Variants in SYTL5 observed in about 807,000 individuals in gnomAD.
SYTL5 encodes the protein synaptotagmin-like protein 5.
SYTL5 carries 34 observed loss-of-function variants against 55.9 expected under a neutral mutation model. The ratio of observed to expected loss-of-function variants is 0.61; its 90% CI spans 0.46 to 0.81. The LOEUF is 0.81. Among genes scored for constraint, SYTL5 ranks in the 30% least tolerant of loss-of-function variants. The pLI is 0.00. For synonymous variants in SYTL5, 221 were observed against 188.7 expected (o/e 1.17, Z -1.40); for missense variants, 637 against 546.7 (o/e 1.17, Z -1.65).
chrX:37,937,310 G>A, the SYTL5 span, among the ~76,000 whole-genome samples: 9 of 111,052 alleles, frequency 8.1e-5, no homozygotes, highest in African/African-American at 3.0e-4. Context: ...ACTGCTGGCA[G>A]AAGAAGAGGG....
chrX:38,086,842 T>A (rs774293712), intron 6 of SYTL5, among the ~76,000 whole-genome samples: 2 of 111,658 alleles, frequency 1.8e-5, no homozygotes, highest in African/African-American at 3.3e-5. Context: ...CTGGAAAAAA[T>A]TTTTTGAGAA....
At chrX:38,037,710 A>G (rs1935145759) in intron 2 of SYTL5, among the ~76,000 whole-genome samples, 1 of 111,420 alleles carries the variant, frequency 9.0e-6, no homozygotes, top group South Asian at 3.8e-4. Context: ...GAATTTAAGT[A>G]CAACCTAAAT....
chrX:38,067,048 C>A (rs773590112), intron 3 of SYTL5, among the ~76,000 whole-genome samples: 72 of 111,765 alleles, frequency 6.4e-4, no homozygotes, highest in Non-Finnish European at 1.1e-3. Context: ...TGCCTCCTGA[C>A]AAGACGTGAC....
At chrX:38,011,340 T>G (rs1934175117) in intron 1 of SYTL5, among the ~76,000 whole-genome samples, 1 of 112,019 alleles carries the variant, frequency 8.9e-6, no homozygotes. Context: ...AGAGAGTATG[T>G]TATACTGCTG....
chrX:38,082,281 T>C (rs2147466436), intron 6 of SYTL5, among the ~76,000 whole-genome samples: 1 of 111,451 alleles, frequency 9.0e-6, no homozygotes, highest in Admixed American at 9.6e-5. Flanking sequence ...TCTAACACCT[T>C]CCCCTCCTCC....
chrX:37,914,238 G>C, the SYTL5 span, among the ~76,000 whole-genome samples: 13 of 111,292 alleles, frequency 1.2e-4, no homozygotes, highest in East Asian at 3.4e-3. Context: ...ATATCACCTA[G>C]ACAAATACTC....
At position 38,007,121 on chromosome X, in the gene SYTL5, T is replaced by A. The variant is rs761974258; in HGVS notation, c.-357+453T>A. The stretch of plus-strand genomic sequence containing the variant: ...GTCCTTTTGCTCTGAATTTCTTTCA[T>A]TTATTAGAAAATTTAGATGTTTCAT... On this transcript the variant is annotated intron_variant, in intron 1 of 16. Transcript: ENST00000297875. 6.2e-5 allele frequency among the ~76,000 whole-genome samples: 7 copies of A among 112,049 alleles called. No homozygotes were observed. In the East Asian group the frequency reaches 2.0e-3, roughly 31 times the overall value.
the SYTL5 span, among the ~76,000 whole-genome samples, chrX:37,959,134 G>A: frequency 8.9e-6 from 1 of 111,791 alleles, no homozygotes; most frequent in East Asian, 2.8e-4. Context: ...GCTCCACTAG[G>A]CATTGCCCTA....
At chrX:38,002,002 C>T (rs1399377200), upstream of SYTL5, among the ~76,000 whole-genome samples, 3 of 110,301 alleles carry the variant, frequency 2.7e-5, no homozygotes, top group African/African-American at 9.9e-5. Context: ...TCTCCTAATG[C>T]TATCCCTCCC....
At chrX:37,935,104 A>G in the SYTL5 span, among the ~76,000 whole-genome samples, 1 of 112,243 alleles carries the variant, frequency 8.9e-6, no homozygotes, top group Non-Finnish European at 1.9e-5. Flanking sequence ...AAGCAGCAAT[A>G]TCATCACAGA....
At position 38,083,773 on chromosome X, in the gene SYTL5, C is replaced by CGTGTGTGT. The variant is rs1569180907; in HGVS notation, c.690-5673_690-5672insGTGTGTGT. Among the ~76,000 whole-genome samples, 45 of 40,197 alleles carry CGTGTGTGT rather than the reference C, an allele frequency of 1.1e-3. No homozygotes were observed. The East Asian group carries it at 0.018, about 16-fold the overall frequency. 34.9% of individuals were successfully genotyped at this position (40,197 alleles called of 115,157 possible). Reference sequence around the variant, plus strand: ...AAAGAGTTTAGTTTTTAAATAGACTCATGTGTGTGTGTGTGTGTGTGTGTG... The same window carrying CGTGTGTGT: ...AAAGAGTTTAGTTTTTAAATAGACTCGTGTGTGTATGTGTGTGTGTGTGTGTGTGTGTG... On this transcript the variant is annotated intron_variant, in intron 6 of 16. Coordinates refer to ENST00000297875, the MANE Select transcript of SYTL5 (RefSeq NM_138780.3).
chrX:38,016,989 A>AGTCTAT (rs1934373179), intron 1 of SYTL5, among the ~76,000 whole-genome samples: 1 of 112,286 alleles, frequency 8.9e-6, no homozygotes, highest in South Asian at 3.7e-4. Flanking sequence ...GCATCCTCTT[A>AGTCTAT]GACATCCATC....
At chrX:38,056,472 G>T (rs756355514) in intron 3 of SYTL5, among the ~76,000 whole-genome samples, 38 of 111,493 alleles carry the variant, frequency 3.4e-4, no homozygotes, top group Non-Finnish European at 6.2e-4. Context: ...TTTCTTTTGG[G>T]TATATACCTA....
At position 38,125,507 on chromosome X, in the gene SYTL5, G is replaced by C; in HGVS notation, c.2050+1G>C. The stretch of plus-strand genomic sequence containing the variant: ...GGAGTTCGTTTGAATTCTGGAAGTG[G>C]TGAGGGATTTGGGGACCCACAGGGA... On this transcript the variant is annotated splice_donor_variant, in intron 16 of 16. Transcript: ENST00000297875. LOFTEE classifies it high-confidence loss of function. 2 of 1,208,635 alleles carry C rather than the reference G, an allele frequency of 1.7e-6. No homozygotes were observed. The highest frequency in any genetic ancestry group is 2.2e-6 in the Non-Finnish European group (2 of 892,725).
chrX:37,948,555 A>G, the SYTL5 span, among the ~76,000 whole-genome samples: 1 of 109,949 alleles, frequency 9.1e-6, no homozygotes, highest in Non-Finnish European at 1.9e-5. Context: ...AGAGTATACA[A>G]CTTGATGATT....
chrX:38,014,113 G>A (rs975353135), intron 1 of SYTL5, among the ~76,000 whole-genome samples: 1 of 112,539 alleles, frequency 8.9e-6, no homozygotes, highest in East Asian at 2.8e-4. Context: ...CTTTTGGTAT[G>A]TACAAGTGTG....
At chrX:37,931,628 G>C in the SYTL5 span, among the ~76,000 whole-genome samples, 2 of 111,598 alleles carry the variant, frequency 1.8e-5, no homozygotes, top group Non-Finnish European at 3.8e-5. Flanking sequence ...TGTTTTGCTT[G>C]CTGCTGTATC....
the SYTL5 span, among the ~76,000 whole-genome samples, chrX:37,924,507 T>A: frequency 9.0e-6 from 1 of 111,639 alleles, no homozygotes; most frequent in Non-Finnish European, 1.9e-5. Flanking sequence ...AATGCGTGAA[T>A]ACTTATTGTA....
chrX:37,998,789 C>T, the SYTL5 span, among the ~76,000 whole-genome samples: 1 of 111,835 alleles, frequency 8.9e-6, no homozygotes, highest in Non-Finnish European at 1.9e-5. Context: ...ATAACACTTA[C>T]TCTTCCCTAT....
Sources: allele counts gnomAD v4.1 joint callset (sites outside exome capture counted in the v4.1 genomes callset), GRCh38; gene constraint gnomAD v4.1.1; transcripts MANE v1.5; gene names NCBI Gene and HGNC (gene_info 2026-07-23, HGNC 2026-07-21).